Variants in DEPTOR observed in about 807,000 individuals in gnomAD.
The protein encoded by DEPTOR is DEP domain-containing mTOR-interacting protein.
In DEPTOR, 41 loss-of-function variants were observed where a neutral mutation model predicts 41.6. That is an observed-to-expected ratio of 0.98 (90% CI 0.77 to 1.28). DEPTOR has a LOEUF of 1.28. Among genes scored for constraint, DEPTOR ranks in the 50% most tolerant of loss-of-function variants. The pLI is 0.00. For synonymous variants in DEPTOR, 195 were observed against 192.3 expected (o/e 1.01, Z -0.12); for missense variants, 514 against 527.9 (o/e 0.97, Z 0.26).
intron 6 of DEPTOR, among the ~76,000 whole-genome samples, chr8:120,005,311 G>A (rs779742721): frequency 7.2e-5 from 11 of 152,262 alleles, no homozygotes; most frequent in East Asian, 5.8e-4. Flanking sequence ...CTTGTTTGGC[G>A]AACATAAATT....
intron 3 of DEPTOR, among the ~76,000 whole-genome samples, chr8:119,945,985 GCTTTGTCCACGCAAACCAAGGCTCCCT>G (rs1828266870): frequency 6.6e-6 from 1 of 152,152 alleles, no homozygotes; most frequent in Admixed American, 6.5e-5. Context: ...ATGATGAAAG[GCTTTGTCCACGCAAACCAAGGCTCCCT>G]CGGTTGGTCG....
chr8:119,957,193 G>A (rs560319931), intron 3 of DEPTOR, among the ~76,000 whole-genome samples: 2 of 152,252 alleles, frequency 1.3e-5, no homozygotes, highest in East Asian at 3.9e-4. Flanking sequence ...CCAGCTTGGG[G>A]TTGTTTTTAG....
chr8:120,011,140 A>G (rs528018531), intron 8 of DEPTOR, among the ~76,000 whole-genome samples: 2 of 152,298 alleles, frequency 1.3e-5, no homozygotes, highest in South Asian at 2.1e-4. Flanking sequence ...ATTGGTTTGC[A>G]TGCTGGAAAA....
Position 120,006,787 on chromosome 8 carries a change from A to C in DEPTOR, c.926-18A>C, listed in dbSNP as rs1023269359. 1 of 1,613,088 alleles carries C rather than the reference A, an allele frequency of 6.2e-7. No individual in the cohort carries two copies. The highest frequency in any genetic ancestry group is 1.3e-5 in the African/African-American group (1 of 74,832). ...GACTTGGAAGTGCTTATGTCTTGAC[A>C]TTGTGTTTGTCTGCCAGTGCTGAAG... On this transcript the variant is annotated intron_variant, in intron 6 of 8. Coordinates refer to ENST00000286234, the MANE Select transcript of DEPTOR (RefSeq NM_022783.4).
Position 120,002,974 on chromosome 8 carries a change from C to T in DEPTOR, c.791-3C>T. 1 of 1,559,492 alleles carries T rather than the reference C, an allele frequency of 6.4e-7. No individual in the cohort carries two copies. The highest frequency in any genetic ancestry group is 8.7e-7 in the Non-Finnish European group (1 of 1,152,110). On this transcript the variant is annotated splice_polypyrimidine_tract_variant and splice_region_variant and intron_variant, in intron 5 of 8. Transcript: ENST00000286234. ...GACTGTGTGTGTTCTCTGGCCTACACAGTGAGCCCCAGCAAGGAGATCAAG... is the reference window on the plus strand; with the variant it reads ...GACTGTGTGTGTTCTCTGGCCTACATAGTGAGCCCCAGCAAGGAGATCAAG...
chr8:119,915,583 C>T (rs1356605080), intron 1 of DEPTOR, among the ~76,000 whole-genome samples: 1 of 152,148 alleles, frequency 6.6e-6, no homozygotes, highest in African/African-American at 2.4e-5. Context: ...GTCAGGAGGT[C>T]AAGGTTTAAC....
At chr8:119,885,575 C>A (rs1464594691) in intron 1 of DEPTOR, among the ~76,000 whole-genome samples, 1 of 152,136 alleles carries the variant, frequency 6.6e-6, no homozygotes, top group Non-Finnish European at 1.5e-5. Context: ...GATTAGCAGG[C>A]CTTGACGCCA....
rs547918422 is a variant in DEPTOR, at chr8:119,984,481, G to A, written c.605-17044G>A. On this transcript the variant is annotated intron_variant, in intron 4 of 8. Transcript: ENST00000286234. ...CCCCTCCCTGTGTCCATGTGTTCTC[G>A]TTGTTCAGCTCCCACTTATGGGTGA... Among the ~76,000 whole-genome samples, 12 of 151,966 alleles carry A rather than the reference G, an allele frequency of 7.9e-5. No homozygotes were observed. In the South Asian group the frequency reaches 2.3e-3, roughly 29 times the overall value.
intron 3 of DEPTOR, among the ~76,000 whole-genome samples, chr8:119,945,177 G>A (rs1828255847): frequency 6.6e-6 from 1 of 152,162 alleles, no homozygotes; most frequent in Admixed American, 6.6e-5. Context: ...ATAGATGAAT[G>A]CATGGTAATT....
intron 1 of DEPTOR, among the ~76,000 whole-genome samples, chr8:119,927,870 G>A (rs1358463517): frequency 1.3e-5 from 2 of 151,940 alleles, no homozygotes; most frequent in Non-Finnish European, 2.9e-5. Context: ...GCATCCCAAA[G>A]TGCTGGGATT....
intron 4 of DEPTOR, among the ~76,000 whole-genome samples, chr8:119,972,820 G>C (rs928399206): frequency 6.6e-6 from 1 of 152,002 alleles, no homozygotes; most frequent in Admixed American, 6.6e-5. Flanking sequence ...GACATAGCCT[G>C]GCAGATATTT....
chr8:119,976,793 G>A (rs1828700934), intron 4 of DEPTOR, among the ~76,000 whole-genome samples: 1 of 152,086 alleles, frequency 6.6e-6, no homozygotes, highest in South Asian at 2.1e-4. Flanking sequence ...GACCCTGGGT[G>A]GGGACCCTTT....
At chr8:119,932,121 A>G (rs1021188707) in intron 3 of DEPTOR, among the ~76,000 whole-genome samples, 1 of 151,886 alleles carries the variant, frequency 6.6e-6, no homozygotes, top group Non-Finnish European at 1.5e-5. Context: ...AGCTGGGAGT[A>G]CAGACTTATG....
intron 1 of DEPTOR, 104 bp downstream of exon 1, chr8:119,874,072 G>T: frequency 6.4e-7 from 1 of 1,559,318 alleles, no homozygotes; most frequent in Non-Finnish European, 8.7e-7. Context: ...TGCGACTCGC[G>T]TGGGGCGCCG....
intron 3 of DEPTOR, among the ~76,000 whole-genome samples, chr8:119,933,129 T>C (rs992375711): frequency 1.3e-5 from 2 of 152,056 alleles, no homozygotes; most frequent in Non-Finnish European, 2.9e-5. Flanking sequence ...TCCCTCTGCC[T>C]AGAGGACTCA....
At chr8:119,932,484 C>T (rs1381341338) in intron 3 of DEPTOR, among the ~76,000 whole-genome samples, 1 of 152,226 alleles carries the variant, frequency 6.6e-6, no homozygotes. Context: ...TCTGTTGGAT[C>T]TCCCTTCCAT....
chr8:119,941,092 G>T (rs1240755876), intron 3 of DEPTOR, among the ~76,000 whole-genome samples: 3 of 151,978 alleles, frequency 2.0e-5, no homozygotes, highest in African/African-American at 7.2e-5. Flanking sequence ...GTTAAAATGG[G>T]GCTGGGCGTG....
intron 1 of DEPTOR, among the ~76,000 whole-genome samples, chr8:119,918,542 C>T (rs1827845205): frequency 6.6e-6 from 1 of 152,106 alleles, no homozygotes; most frequent in African/African-American, 2.4e-5. Context: ...CTCACTGCAA[C>T]CTCCGCCTCC....
At chr8:119,933,110 A>C (rs1828066294) in intron 3 of DEPTOR, among the ~76,000 whole-genome samples, 1 of 152,048 alleles carries the variant, frequency 6.6e-6, no homozygotes, top group Non-Finnish European at 1.5e-5. Context: ...ATACTTCTGC[A>C]TGTGCTGTTC....
Sources: allele counts gnomAD v4.1 joint callset (sites outside exome capture counted in the v4.1 genomes callset), GRCh38; gene constraint gnomAD v4.1.1; transcripts MANE v1.5; gene names NCBI Gene and HGNC (gene_info 2026-07-23, HGNC 2026-07-21).